The following ICA1 variants were observed in gnomAD, a reference collection of about 807,000 sequenced individuals.
The protein encoded by ICA1 is 69 kDa islet cell autoantigen.
Under a neutral mutation model 71.0 loss-of-function variants are expected in ICA1, and 40 were observed. That is an observed-to-expected ratio of 0.56 (90% confidence interval 0.44 to 0.73). ICA1 has a LOEUF of 0.73. Among genes scored for constraint, ICA1 ranks in the 30% least tolerant of loss-of-function variants. ICA1 has a pLI of 0.00. For missense variants in ICA1, 578 were observed against 576.5 expected (o/e 1.00, Z -0.03); for synonymous variants, 207 against 209.5 (o/e 0.99, Z 0.10).
At position 8,234,480 on chromosome 7, in the gene ICA1, C is replaced by T. The variant is rs945225034; in HGVS notation, c.17+1430G>A. Among the ~76,000 whole-genome samples, 3 of 149,744 alleles carry T rather than the reference C, an allele frequency of 2.0e-5. No individual in the cohort carries two copies. In the Admixed American group the frequency reaches 2.0e-4, roughly 10 times the overall value. ...CCATCACCACCCAAAATGTGCCAGG[C>T]TTGTGCTGAAACGTGAGTTTGTTTA... is the stretch of plus-strand genomic sequence containing the variant. On this transcript the variant is annotated intron_variant, in intron 2 of 13. Coordinates refer to ENST00000402384, the MANE Select transcript of ICA1 (RefSeq NM_001136020.3). This position sits in a 1 kb window ranked among gnomAD's most constrained non-coding sequence, Gnocchi z 4.5.
intron 2 of ICA1, 96 bp from the exon 3 acceptor site, chr7:8,232,851 G>T: frequency 9.3e-7 from 1 of 1,080,620 alleles, no homozygotes; most frequent in Non-Finnish European, 1.3e-6. Context: ...TTTCCATTAT[G>T]CATTTACATT....
chr7:8,215,286 C>T (rs1198204892), intron 6 of ICA1, among the ~76,000 whole-genome samples: 2 of 152,158 alleles, frequency 1.3e-5, no homozygotes, highest in Non-Finnish European at 2.9e-5. Context: ...CTCCTTTCCC[C>T]TAAAAGGCCT....
At chr7:8,145,179 C>G (rs1584499183) in intron 8 of ICA1, among the ~76,000 whole-genome samples, 1 of 152,288 alleles carries the variant, frequency 6.6e-6, no homozygotes, top group East Asian at 1.9e-4. Flanking sequence ...TTGAGAAGGA[C>G]CAGCGTATTT....
intron 6 of ICA1, among the ~76,000 whole-genome samples, chr7:8,186,841 A>G (rs138640793): frequency 7.2e-5 from 11 of 152,314 alleles, no homozygotes; most frequent in African/African-American, 2.4e-4. Context: ...TTAGAGTTGT[A>G]TTCTTATTCC....
chr7:8,166,032 T>C (rs1462667267), intron 6 of ICA1, among the ~76,000 whole-genome samples: 6 of 152,094 alleles, frequency 3.9e-5, no homozygotes, highest in Non-Finnish European at 8.8e-5. Flanking sequence ...AAATTTCATA[T>C]AGAACCAAAA....
chr7:8,243,525 C>G (rs572847925), intron 1 of ICA1, among the ~76,000 whole-genome samples: 2 of 152,316 alleles, frequency 1.3e-5, no homozygotes, highest in East Asian at 3.9e-4. Flanking sequence ...GATGTCCTCT[C>G]TCACCACTCC....
At chr7:8,257,510 C>A (rs1048750910) in intron 1 of ICA1, among the ~76,000 whole-genome samples, 3 of 152,180 alleles carry the variant, frequency 2.0e-5, no homozygotes, top group Non-Finnish European at 2.9e-5. Flanking sequence ...GAGGACCTTT[C>A]TAGTCTCCAA....
At chr7:8,150,637 C>G (rs1240323666) in intron 8 of ICA1, among the ~76,000 whole-genome samples, 1 of 152,200 alleles carries the variant, frequency 6.6e-6, no homozygotes, top group African/African-American at 2.4e-5. Flanking sequence ...AGTGACCTTC[C>G]CCTTCAATAT....
intron 6 of ICA1, among the ~76,000 whole-genome samples, chr7:8,192,936 T>A (rs1424187679): frequency 6.6e-6 from 1 of 152,256 alleles, no homozygotes; most frequent in African/African-American, 2.4e-5. Flanking sequence ...ACTTTCTTCA[T>A]TTTTGGCATG....
At chr7:8,143,826 CT>C (rs1796018769) in intron 9 of ICA1, 48 bp downstream of exon 9, 1 of 1,227,032 alleles carries the variant, frequency 8.1e-7, no homozygotes, top group African/African-American at 1.5e-5. Context: ...AACCACATAA[CT>C]CTCACCTGTG....
At chr7:8,209,673 G>A (rs1300384221) in intron 6 of ICA1, among the ~76,000 whole-genome samples, 1 of 152,174 alleles carries the variant, frequency 6.6e-6, no homozygotes, top group African/African-American at 2.4e-5. Flanking sequence ...GGCAGGCTAA[G>A]AAGCATGTAT....
intron 13 of ICA1, among the ~76,000 whole-genome samples, chr7:8,121,564 A>G (rs987975653): frequency 6.6e-6 from 1 of 152,244 alleles, no homozygotes; most frequent in Non-Finnish European, 1.5e-5. Context: ...AATTCAGTTC[A>G]TGGAAATAGA....
chr7:8,158,680 T>C lies in ICA1; in HGVS notation c.580-28A>G, dbSNP rs186186283. On this transcript the variant is annotated intron_variant, in intron 6 of 13. Transcript: ENST00000402384. ...ATGAAAATAAAGAGGAATTTCTGAA[T>C]CACCCTAACCCTTAAGTAGGTAAAA... The C allele has an allele frequency of 1.9e-3, 3,026 of 1,613,118 alleles. 11 individuals are homozygous for C. The highest frequency in any genetic ancestry group is 2.4e-3 in the Non-Finnish European group (2,793 of 1,179,538).
In ICA1 at chr7:8,238,433, T is replaced by A. The variant is rs192309376; in HGVS notation, c.-79-2428A>T. ...TTTTTTTGCCATTTGTATATTTTCT[T>A]TGGAGAAATGTCTATGCAGGTCTTT... On this transcript the variant is annotated intron_variant, in intron 1 of 13. Coordinates refer to ENST00000402384, the MANE Select transcript of ICA1 (RefSeq NM_001136020.3). Among the ~76,000 whole-genome samples the A allele has an allele frequency of 4.7e-3, 723 of 152,334 alleles. 6 individuals carry two copies. The highest frequency in any genetic ancestry group is 0.015 in the African/African-American group (628 of 41,568).
At chr7:8,251,647 T>G (rs1272699431) in intron 1 of ICA1, among the ~76,000 whole-genome samples, 1 of 151,904 alleles carries the variant, frequency 6.6e-6, no homozygotes, top group Non-Finnish European at 1.5e-5. Flanking sequence ...ATGCTGGGAA[T>G]GAAACATTCA....
chr7:8,199,497 G>A (rs548393627), intron 6 of ICA1, among the ~76,000 whole-genome samples: 11 of 152,296 alleles, frequency 7.2e-5, no homozygotes, highest in African/African-American at 2.6e-4. Context: ...GATCACTTGA[G>A]GTCAGGAGTT....
intron 6 of ICA1, among the ~76,000 whole-genome samples, chr7:8,208,235 C>T (rs562348478): frequency 6.6e-6 from 1 of 152,240 alleles, no homozygotes; most frequent in East Asian, 1.9e-4. Flanking sequence ...TTTGCAGTCA[C>T]CGAAGTCTGT....
chr7:8,262,523 G>C, upstream of ICA1: 1 of 152,380 alleles, frequency 6.6e-6, no homozygotes, highest in Non-Finnish European at 1.5e-5. Context: ...CCATCTCCTG[G>C]GGTATCCCCC....
At chr7:8,160,986 C>T (rs145908395) in intron 6 of ICA1, among the ~76,000 whole-genome samples, 5 of 152,258 alleles carry the variant, frequency 3.3e-5, no homozygotes, top group Non-Finnish European at 5.9e-5. Context: ...TGTTGGTCAT[C>T]GGTTGCTCTG....
Sources: allele counts gnomAD v4.1 joint callset (sites outside exome capture counted in the v4.1 genomes callset), GRCh38; gene constraint gnomAD v4.1.1; non-coding constraint Gnocchi (gnomAD v3.1); transcripts MANE v1.5; gene names NCBI Gene and HGNC (gene_info 2026-07-23, HGNC 2026-07-21).